Variants in TMCC2 observed in about 807,000 individuals in gnomAD.
TMCC2 encodes the protein transmembrane and coiled-coil domains protein 2.
TMCC2 carries 16 observed loss-of-function variants against 49.4 expected under a neutral mutation model. The observed-to-expected ratio is 0.32, with a 90% CI of 0.22 to 0.49. The LOEUF is 0.49. TMCC2 is among the 20% of genes least tolerant of loss of function. TMCC2 has a pLI of 0.99. For synonymous variants in TMCC2, 397 were observed against 434.1 expected (o/e 0.91, Z 1.06); for missense variants, 762 against 989.8 (o/e 0.77, Z 3.09).
At chr1:205,229,545 C>CGGGGGGGGGGGG (rs1241476015) in intron 1 of TMCC2, 3 of 283,956 alleles carry the variant, frequency 1.1e-5, no homozygotes, top group African/African-American at 4.0e-4. Context: ...TGTGAAGGGG[C>CGGGGGGGGGGGG]GGGGGGGGGG....
intron 1 of TMCC2, among the ~76,000 whole-genome samples, chr1:205,240,648 C>A (rs1660228347): frequency 6.6e-6 from 1 of 152,202 alleles, no homozygotes; most frequent in African/African-American, 2.4e-5. Flanking sequence ...GCTCCATAGA[C>A]CTTCAAGTTC....
At chr1:205,252,660 A>C (rs1660711441) in intron 2 of TMCC2, among the ~76,000 whole-genome samples, 3 of 152,148 alleles carry the variant, frequency 2.0e-5, no homozygotes, top group African/African-American at 7.2e-5. Flanking sequence ...TCACTGGCAG[A>C]TTTTCACAGC....
chr1:205,246,672 G>A (rs1660465077), intron 2 of TMCC2: 4 of 1,550,318 alleles, frequency 2.6e-6, no homozygotes, highest in Non-Finnish European at 1.7e-6. Context: ...TGTAGAGGCA[G>A]CCAGGCCCAC....
intron 1 of TMCC2, among the ~76,000 whole-genome samples, chr1:205,238,241 T>G (rs551308872): frequency 1.3e-5 from 2 of 152,088 alleles, no homozygotes; most frequent in Non-Finnish European, 2.9e-5. Flanking sequence ...GTGCTGAGTT[T>G]TTTTTTTTTA....
In TMCC2 at chr1:205,239,951, C is replaced by T. The variant is rs1183958335; in HGVS notation, c.208-1554C>T. On this transcript the variant is annotated intron_variant, in intron 1 of 4. Coordinates refer to ENST00000358024, the MANE Select transcript of TMCC2 (RefSeq NM_014858.4). Reference sequence around the variant, plus strand: ...GTTTCTATATGGTCTAGATTTTCTGCTCTGTAAGTTTGTTTCTAGGGAAAA... The same window carrying T: ...GTTTCTATATGGTCTAGATTTTCTGTTCTGTAAGTTTGTTTCTAGGGAAAA... 2.0e-5 allele frequency among the ~76,000 whole-genome samples: 3 copies of T among 151,730 alleles called. No individual in the cohort carries two copies. The East Asian group carries it at 5.8e-4, about 29-fold the overall frequency.
intron 2 of TMCC2, chr1:205,268,039 A>G (rs1004486452): frequency 2.0e-6 from 2 of 985,386 alleles, no homozygotes; most frequent in Non-Finnish European, 2.4e-6. Flanking sequence ...AAGGTTACCA[A>G]TGACTCTGGA....
intron 2 of TMCC2, among the ~76,000 whole-genome samples, chr1:205,244,363 C>T (rs1333106143): frequency 3.9e-5 from 6 of 152,146 alleles, no homozygotes; most frequent in African/African-American, 1.2e-4. Context: ...AAGTCAGCAT[C>T]GTCCTTGGTC....
chr1:205,270,286 C>A (rs1209654395), intron 3 of TMCC2, among the ~76,000 whole-genome samples: 1 of 152,136 alleles, frequency 6.6e-6, no homozygotes, highest in East Asian at 1.9e-4. Context: ...GACCTCAATT[C>A]AGGGATGACA....
chr1:205,240,471 T>A (rs1043642681), intron 1 of TMCC2, among the ~76,000 whole-genome samples: 3 of 152,272 alleles, frequency 2.0e-5, no homozygotes, highest in African/African-American at 7.2e-5. Flanking sequence ...GTCACATTAC[T>A]ATGTCACAAG....
At chr1:205,256,736 C>G (rs1431893580) in intron 2 of TMCC2, among the ~76,000 whole-genome samples, 2 of 152,176 alleles carry the variant, frequency 1.3e-5, no homozygotes, top group Admixed American at 6.5e-5. Context: ...CCTCCAGGCT[C>G]TAGTCTTTTT....
At position 205,228,811 on chromosome 1, in the gene TMCC2, C is replaced by G. The variant is rs1259922110; in HGVS notation, c.207+40C>G. ...TCCCCCCGGCAAGCCCAGCCCGCGA[C>G]TTAGCTCTCGCCACCCCACGCAGAA... On this transcript the variant is annotated intron_variant, in intron 1 of 4. Coordinates refer to ENST00000358024, the MANE Select transcript of TMCC2 (RefSeq NM_014858.4). The G allele has an allele frequency of 1.9e-6, 3 of 1,547,922 alleles. No individual in the cohort carries two copies. The Admixed American group carries it at 5.8e-5, about 30-fold the overall frequency.
At position 205,269,599 on chromosome 1, in the gene TMCC2, C is replaced by T; in HGVS notation, c.1397C>T (p.Thr466Ile). 6.2e-7 allele frequency: 1 copy of T among 1,613,800 alleles called. No individual in the cohort carries two copies. The highest frequency in any genetic ancestry group is 8.5e-7 in the Non-Finnish European group (1 of 1,179,980). The change falls in exon 3 of 5, where the codon ACA (threonine) becomes ATA (isoleucine). Residue 466 changes from threonine (T) to isoleucine (I), a missense_variant. This residue lies in a region of TMCC2 where 440 missense variants were observed against 636.7 expected (regional missense o/e 0.69). Transcript: ENST00000358024. ...EAARALSGSA[T>I]LVSSPKYGSD... ...GCCCGGGCACTGAGCGGCAGTGCCA[C>T]ACTCGTCTCCAGCCCCAAGTATGGC...
chr1:205,232,658 C>CG (rs1659845853), intron 1 of TMCC2, among the ~76,000 whole-genome samples: 2 of 152,016 alleles, frequency 1.3e-5, no homozygotes, highest in South Asian at 4.2e-4. Flanking sequence ...GGGCCGGGAG[C>CG]GGTGGGTGGC....
At position 205,270,017 on chromosome 1, in the gene TMCC2, C is replaced by T. The variant is rs1434032235; in HGVS notation, c.1682+133C>T. The stretch of plus-strand genomic sequence containing the variant: ...CCTCCTGGCTGCTGGAAGGAGCCAG[C>T]ACGAGGCCCTAAGGAGCCTTCTTTC... On this transcript the variant is annotated intron_variant, in intron 3 of 4. Transcript: ENST00000358024. The T allele has an allele frequency of 7.3e-6, 6 of 818,774 alleles. No individual in the cohort carries two copies. The East Asian group carries it at 1.6e-4, about 21-fold the overall frequency. The allele number at this position is 818,774 out of a possible 1,614,324, so 50.7% of individuals were successfully genotyped here.
intron 2 of TMCC2, chr1:205,257,064 C>A: frequency 1.2e-6 from 1 of 824,388 alleles, no homozygotes; most frequent in Non-Finnish European, 1.6e-6. Context: ...AGGGGCATCT[C>A]ATCAGAGCTC....
chr1:205,250,781 C>T (rs568734790), intron 2 of TMCC2, among the ~76,000 whole-genome samples: 1 of 152,274 alleles, frequency 6.6e-6, no homozygotes, highest in South Asian at 2.1e-4. Flanking sequence ...CCTGGGCTTT[C>T]CAAGCTTGCC....
intron 2 of TMCC2, chr1:205,268,025 G>A (rs969472925): frequency 1.3e-5 from 13 of 985,270 alleles, no homozygotes; most frequent in Middle Eastern, 5.2e-4. Context: ...ATTATGAAGC[G>A]GAAAAGGTTA....
chr1:205,251,986 C>G (rs931865837), intron 2 of TMCC2, among the ~76,000 whole-genome samples: 4 of 152,222 alleles, frequency 2.6e-5, no homozygotes, highest in Non-Finnish European at 5.9e-5. Flanking sequence ...GGGTGCTCTG[C>G]TTCCTAAAAG....
At position 205,260,773 on chromosome 1, in the gene TMCC2, A is replaced by G. The variant is rs573241870; in HGVS notation, c.748-8177A>G. ...TCTGGATATTTCATATAATGGAATC[A>G]TTCATTATGTGGCCTTTCTTGTCTG... On this transcript the variant is annotated intron_variant, in intron 2 of 4. Coordinates refer to ENST00000358024, the MANE Select transcript of TMCC2 (RefSeq NM_014858.4). Among the ~76,000 whole-genome samples the G allele has an allele frequency of 6.0e-5, 9 of 149,452 alleles. No homozygotes were observed. The East Asian group carries it at 1.6e-3, about 26-fold the overall frequency.
Sources: allele counts gnomAD v4.1 joint callset (sites outside exome capture counted in the v4.1 genomes callset), GRCh38; gene constraint gnomAD v4.1.1; regional missense constraint gnomAD v4.1.1; transcripts MANE v1.5; gene names NCBI Gene and HGNC (gene_info 2026-07-23, HGNC 2026-07-21).